CWC27: variants seen among roughly 807,000 people sequenced by gnomAD.
CWC27 encodes spliceosome-associated protein CWC27 homolog.
CWC27 carries 47 observed loss-of-function variants against 63.6 expected under a neutral mutation model. That is an observed-to-expected ratio of 0.74 (90% CI 0.58 to 0.94). The LOEUF is 0.94. Ranked by LOEUF, CWC27 falls within the 40% of genes least tolerant of loss-of-function variation. The pLI, the probability that CWC27 is intolerant of heterozygous loss-of-function variation, is 0.00. For synonymous variants in CWC27, 175 were observed against 179.8 expected (o/e 0.97, Z 0.22); for missense variants, 495 against 554.3 (o/e 0.89, Z 1.07).
At chr5:64,800,140 T>C in intron 7 of CWC27, 108 bp from the exon 8 acceptor site, 1 of 648,160 alleles carries the variant, frequency 1.5e-6, no homozygotes, top group Non-Finnish European at 2.5e-6. Context: ...AATACATCTT[T>C]TGCTAACCAT....
At chr5:64,882,624 C>T (rs548180608) in intron 10 of CWC27, among the ~76,000 whole-genome samples, 34 of 152,244 alleles carry the variant, frequency 2.2e-4, no homozygotes, top group Middle Eastern at 6.8e-3. Flanking sequence ...GACGGAGTCT[C>T]GCTCTGTCGC....
chr5:64,831,591 T>C (rs1362920863), intron 10 of CWC27, among the ~76,000 whole-genome samples: 1 of 151,856 alleles, frequency 6.6e-6, no homozygotes, highest in Non-Finnish European at 1.5e-5. Context: ...TTAAAAAACA[T>C]TTGAAAAATT....
At chr5:64,780,457 G>T (rs1243645734) in intron 2 of CWC27, among the ~76,000 whole-genome samples, 1 of 148,642 alleles carries the variant, frequency 6.7e-6, no homozygotes, top group East Asian at 1.9e-4. Context: ...GATTCTTTTG[G>T]ATATATATAG....
intron 2 of CWC27, among the ~76,000 whole-genome samples, chr5:64,775,817 A>G (rs1157359007): frequency 6.6e-6 from 1 of 152,004 alleles, no homozygotes; most frequent in African/African-American, 2.4e-5. Flanking sequence ...AATACATTAC[A>G]TATGGTTTGG....
chr5:64,844,157 A>G (rs555035842), intron 10 of CWC27, among the ~76,000 whole-genome samples: 3 of 152,282 alleles, frequency 2.0e-5, no homozygotes, highest in South Asian at 2.1e-4. Context: ...CAGAATTTCA[A>G]CAGGGGGGAA....
intron 11 of CWC27, among the ~76,000 whole-genome samples, chr5:64,946,084 GT>G (rs1177831246): frequency 6.6e-6 from 1 of 152,080 alleles, no homozygotes; most frequent in Non-Finnish European, 1.5e-5. Context: ...CCAACCAGAA[GT>G]TATCTCCTCC....
At chr5:64,990,093 C>G (rs1045100951) in intron 13 of CWC27, among the ~76,000 whole-genome samples, 23 of 152,118 alleles carry the variant, frequency 1.5e-4, no homozygotes, top group Non-Finnish European at 2.2e-4. Context: ...ATAAAGTACT[C>G]CCTCTTGTTC....
At chr5:64,959,716 A>G (rs1359927515) in intron 11 of CWC27, among the ~76,000 whole-genome samples, 1 of 152,228 alleles carries the variant, frequency 6.6e-6, no homozygotes, top group Non-Finnish European at 1.5e-5. Flanking sequence ...AGGCCCTACA[A>G]GTCCCTCCAG....
chr5:64,992,810 G>A (rs1749561822), intron 13 of CWC27, among the ~76,000 whole-genome samples: 1 of 152,016 alleles, frequency 6.6e-6, no homozygotes, highest in South Asian at 2.1e-4. Flanking sequence ...TGGGATTACA[G>A]GCGTGAGCCA....
At chr5:64,923,498 C>T (rs1748040183) in intron 11 of CWC27, among the ~76,000 whole-genome samples, 1 of 149,984 alleles carries the variant, frequency 6.7e-6, no homozygotes, top group African/African-American at 2.5e-5. Context: ...GTCCTGGTGT[C>T]TGAGTCATCT....
chr5:64,995,327 C>A (rs10076349), intron 13 of CWC27, among the ~76,000 whole-genome samples: 31,972 of 152,062 alleles, frequency 0.21, 3,826 homozygotes, highest in South Asian at 0.35. Context: ...CATTGCCTTA[C>A]AATTTGTTTA....
At chr5:64,969,058 C>T (rs547028603) in intron 11 of CWC27, among the ~76,000 whole-genome samples, 1 of 152,212 alleles carries the variant, frequency 6.6e-6, no homozygotes, top group East Asian at 1.9e-4. Context: ...AAACATTTTC[C>T]TACTTCCTTC....
chr5:64,864,499 G>C (rs1412614553), intron 10 of CWC27, among the ~76,000 whole-genome samples: 2 of 152,066 alleles, frequency 1.3e-5, no homozygotes, highest in Non-Finnish European at 2.9e-5. Context: ...AACAACAAAT[G>C]CTCCCACTAC....
intron 10 of CWC27, among the ~76,000 whole-genome samples, chr5:64,810,520 A>G (rs1744844648): frequency 1.3e-5 from 2 of 152,172 alleles, no homozygotes; most frequent in Admixed American, 6.5e-5. Flanking sequence ...CTTGCAATCC[A>G]TGAATCCAGA....
chr5:64,896,676 G>GA (rs554273136), intron 11 of CWC27, among the ~76,000 whole-genome samples: 2,091 of 137,244 alleles, frequency 0.015, 48 homozygotes, highest in South Asian at 0.058. Context: ...ATGGAATTAG[G>GA]AAAAAAAAAA....
At chr5:64,830,863 A>C (rs1745499688) in intron 10 of CWC27, among the ~76,000 whole-genome samples, 1 of 152,118 alleles carries the variant, frequency 6.6e-6, no homozygotes, top group South Asian at 2.1e-4. Flanking sequence ...CATGTTGTAT[A>C]TGTGCCACAT....
chr5:64,995,819 A>G (rs1486440002), intron 13 of CWC27, among the ~76,000 whole-genome samples: 1 of 152,174 alleles, frequency 6.6e-6, no homozygotes, highest in Non-Finnish European at 1.5e-5. Flanking sequence ...TTACTTTGAA[A>G]GTTTAAGTGG....
intron 11 of CWC27, among the ~76,000 whole-genome samples, chr5:64,970,590 A>C (rs1160971697): frequency 6.6e-6 from 1 of 152,178 alleles, no homozygotes; most frequent in Non-Finnish European, 1.5e-5. Context: ...ACTAGTCTTT[A>C]CTAGGCATGT....
At chr5:64,770,635 C>G (rs974367525) in intron 1 of CWC27, among the ~76,000 whole-genome samples, 1 of 152,184 alleles carries the variant, frequency 6.6e-6, no homozygotes, top group Non-Finnish European at 1.5e-5. Flanking sequence ...CTCCTACCTT[C>G]CCCCTATAGA....
Sources: gnomAD v4.1 joint callset for allele counts (sites outside exome capture counted in the v4.1 genomes callset) on GRCh38, gnomAD v4.1.1 for gene constraint, MANE v1.5 for transcripts, NCBI Gene and HGNC (gene_info 2026-07-23, HGNC 2026-07-21) for gene names.